The following EYS variants were observed in gnomAD, a reference collection of about 807,000 sequenced individuals.
The protein encoded by EYS is protein eyes shut homolog.
Under a neutral mutation model 282.1 loss-of-function variants are expected in EYS, and 250 were observed. That is an observed-to-expected ratio of 0.89 (90% CI 0.80 to 0.98). The LOEUF (loss-of-function observed/expected upper bound fraction) is 0.98, where lower values mean the gene tolerates loss of function less well. Among genes scored for constraint, EYS ranks in the 50% least tolerant of loss-of-function variants. The probability of loss-of-function intolerance (pLI) is 0.00; values close to 1 mark genes in which losing one functional copy is unlikely to be tolerated. For missense variants in EYS, 4,016 were observed against 3,709.0 expected, an observed-to-expected ratio of 1.08 and a Z score of -2.15; for synonymous variants, 1,355 against 1,282.9, an observed-to-expected ratio of 1.06 and a Z score of -1.20.
intron 29 of EYS, among the ~76,000 whole-genome samples, chr6:64,310,085 A>C (rs1769626025): frequency 6.8e-6 from 1 of 147,354 alleles, no homozygotes; most frequent in Non-Finnish European, 1.5e-5. Flanking sequence ...AAAAAATAAC[A>C]GATGCTGGCA....
intron 5 of EYS, among the ~76,000 whole-genome samples, chr6:65,448,937 G>A (rs1456262802): frequency 6.6e-6 from 1 of 152,058 alleles, no homozygotes; most frequent in Non-Finnish European, 1.5e-5. Flanking sequence ...TTATCTGTAA[G>A]CAATACAGCA....
chr6:64,646,302 A>T (rs1724320186), intron 22 of EYS, among the ~76,000 whole-genome samples: 1 of 152,154 alleles, frequency 6.6e-6, no homozygotes, highest in South Asian at 2.1e-4. Context: ...ATACATAATC[A>T]ACTTTGGTAA....
intron 12 of EYS, among the ~76,000 whole-genome samples, chr6:65,131,710 G>A (rs754846860): frequency 7.3e-5 from 11 of 151,714 alleles, no homozygotes; most frequent in Non-Finnish European, 1.0e-4. Flanking sequence ...CAAAATACAA[G>A]AAATAACCAA....
At chr6:65,109,625 G>A (rs1561970247) in intron 12 of EYS, among the ~76,000 whole-genome samples, 1 of 149,680 alleles carries the variant, frequency 6.7e-6, no homozygotes, top group African/African-American at 2.5e-5. Flanking sequence ...ACAAATCCTG[G>A]TTTCCTTACT....
intron 12 of EYS, among the ~76,000 whole-genome samples, chr6:65,180,649 A>T (rs1379799794): frequency 4.6e-5 from 7 of 152,016 alleles, no homozygotes; most frequent in East Asian, 3.9e-4. Flanking sequence ...ATTTATAGAT[A>T]CAATGCCATC....
In EYS at chr6:64,434,096, A is replaced by T. The variant is rs1561992583; in HGVS notation, c.5927+2078T>A. Among the ~76,000 whole-genome samples the T allele has an allele frequency of 2.0e-5, 3 of 152,006 alleles. No individual in the cohort carries two copies. In the South Asian group the frequency reaches 6.2e-4, roughly 31 times the overall value. On this transcript the variant is annotated intron_variant, in intron 28 of 42. Coordinates refer to ENST00000503581, the MANE Select transcript of EYS (RefSeq NM_001142800.2). ...AATGAGGTCATTATGGTAGGCTTTA[A>T]TCCAATGTGTCTGGTGATCTTATTA...
intron 2 of EYS, among the ~76,000 whole-genome samples, chr6:65,618,995 C>A (rs1271880896): frequency 5.3e-5 from 8 of 152,130 alleles, no homozygotes; most frequent in Non-Finnish European, 1.0e-4. Flanking sequence ...GTGATGCCTC[C>A]AGCTTTTTTC....
chr6:65,184,165 T>C (rs1765459756), intron 12 of EYS, among the ~76,000 whole-genome samples: 1 of 151,952 alleles, frequency 6.6e-6, no homozygotes, highest in Admixed American at 6.6e-5. Context: ...CTGTTTGTGC[T>C]GCTTTAACAG....
Position 65,122,120 on chromosome 6 carries a change from C to T in EYS, c.2024-64393G>A, listed in dbSNP as rs181736912. Among the ~76,000 whole-genome samples, 599 of 152,140 alleles carry T rather than the reference C, an allele frequency of 3.9e-3. 2 individuals carry two copies. Among genetic ancestry groups the T allele is most frequent in the Non-Finnish European group, 6.1e-3 (412 of 67,958 alleles). On this transcript the variant is annotated intron_variant, in intron 12 of 42. Transcript: ENST00000503581. Reference sequence around the variant, plus strand: ...TAATGGAAGAGGTCTCATATTGAATCTTGAATTGGGACAGATATTAAAATA... The same window carrying T: ...TAATGGAAGAGGTCTCATATTGAATTTTGAATTGGGACAGATATTAAAATA...
intron 35 of EYS, among the ~76,000 whole-genome samples, chr6:63,948,331 G>T (rs566208772): frequency 6.6e-5 from 10 of 152,250 alleles, no homozygotes; most frequent in Non-Finnish European, 1.5e-5. Flanking sequence ...CATAGCATGT[G>T]CACTTATCTT....
chr6:64,306,269 A>C (rs1398733918), intron 30 of EYS, among the ~76,000 whole-genome samples: 2 of 152,176 alleles, frequency 1.3e-5, no homozygotes, highest in Admixed American at 1.3e-4. Context: ...ACATTGATTA[A>C]GATGTGAGCT....
At chr6:65,626,376 G>C (rs1488574077) in intron 2 of EYS, among the ~76,000 whole-genome samples, 1 of 152,046 alleles carries the variant, frequency 6.6e-6, no homozygotes, top group African/African-American at 2.4e-5. Context: ...TTGTTTTCTT[G>C]TTGTTGTTGT....
chr6:64,293,825 A>C (rs1768802164), intron 30 of EYS, among the ~76,000 whole-genome samples: 1 of 152,132 alleles, frequency 6.6e-6, no homozygotes, highest in Non-Finnish European at 1.5e-5. Flanking sequence ...TAATAAGGCT[A>C]TTCAGAGAGT....
At chr6:65,119,331 A>G (rs1775461008) in intron 12 of EYS, among the ~76,000 whole-genome samples, 1 of 152,200 alleles carries the variant, frequency 6.6e-6, no homozygotes, top group Non-Finnish European at 1.5e-5. Context: ...ACTTCCAGTA[A>G]AAGTCATCAT....
At chr6:64,147,288 G>A (rs964624171) in intron 31 of EYS, among the ~76,000 whole-genome samples, 1 of 152,088 alleles carries the variant, frequency 6.6e-6, no homozygotes, top group African/African-American at 2.4e-5. Context: ...TGGACCTATT[G>A]AACACCCTGT....
chr6:64,260,411 C>A (rs754171715), intron 30 of EYS, among the ~76,000 whole-genome samples: 1 of 152,064 alleles, frequency 6.6e-6, no homozygotes, highest in Non-Finnish European at 1.5e-5. Flanking sequence ...GGTACACCCA[C>A]TAGTTTTCCA....
rs1766387948 is a variant in EYS at position 64,590,975 on chromosome 6, G to C, written c.4892C>G (p.Pro1631Arg). Residue 1631 changes from proline to arginine, a missense_variant, in exon 26 of 43, where the codon CCT (proline) becomes CGT (arginine). Coordinates refer to ENST00000503581, the MANE Select transcript of EYS (RefSeq NM_001142800.2). ...VAFTEVPSLFPSKKSAKRTIL... is the reference protein window; with the variant it reads ...VAFTEVPSLFRSKKSAKRTIL... ...TGTTCTTTTTGCACTCTTTTTAGAAGGAAATAAAGATGGCACTTCTGTGAA... is the reference window on the plus strand; with the variant it reads ...TGTTCTTTTTGCACTCTTTTTAGAACGAAATAAAGATGGCACTTCTGTGAA... 6.4e-7 allele frequency: 1 copy of C among 1,551,122 alleles called. No homozygotes were observed. Among genetic ancestry groups the C allele is most frequent in the Admixed American group, 2.0e-5 (1 of 50,946 alleles).
At chr6:65,507,815 T>C (rs1766712543) in intron 2 of EYS, among the ~76,000 whole-genome samples, 1 of 152,060 alleles carries the variant, frequency 6.6e-6, no homozygotes, top group Non-Finnish European at 1.5e-5. Context: ...CATCTCCCTG[T>C]TTACTCATTT....
At chr6:65,316,246 A>G (rs1212130114) in intron 11 of EYS, among the ~76,000 whole-genome samples, 1 of 152,176 alleles carries the variant, frequency 6.6e-6, no homozygotes, top group Admixed American at 6.5e-5. Flanking sequence ...TTAATTTTAA[A>G]ACATCCAATG....
Sources: gnomAD v4.1 joint callset for allele counts (sites outside exome capture counted in the v4.1 genomes callset) on GRCh38, gnomAD v4.1.1 for gene constraint, MANE v1.5 for transcripts, NCBI Gene and HGNC (gene_info 2026-07-23, HGNC 2026-07-21) for gene names.